Variants in FBXO25 observed in about 807,000 individuals in gnomAD.
FBXO25 encodes the protein F-box protein 25, also known as F-box only protein 25.
Under a neutral mutation model 51.9 loss-of-function variants are expected in FBXO25, and 45 were observed. That is an observed-to-expected ratio of 0.87 (90% CI 0.68 to 1.11). FBXO25 has a LOEUF of 1.11. Among genes scored for constraint, FBXO25 ranks in the 50% most tolerant of loss-of-function variants. The pLI, the probability that FBXO25 is intolerant of heterozygous loss-of-function variation, is 0.00. For missense variants in FBXO25, 507 were observed against 428.5 expected (o/e 1.18, Z -1.62); for synonymous variants, 199 against 151.0 (o/e 1.32, Z -2.33).
At chr8:421,955 A>G (rs1190304708) in intron 2 of FBXO25, among the ~76,000 whole-genome samples, 1 of 152,238 alleles carries the variant, frequency 6.6e-6, no homozygotes, top group African/African-American at 2.4e-5. Flanking sequence ...TTAGGCTGAT[A>G]TGAATACATA....
chr8:441,615 C>T (rs1443003273), intron 5 of FBXO25, among the ~76,000 whole-genome samples: 1 of 152,080 alleles, frequency 6.6e-6, no homozygotes, highest in African/African-American at 2.4e-5. Flanking sequence ...TGCAATCTAT[C>T]CATCTGACAA....
intron 7 of FBXO25, 121 bp from the exon 8 acceptor site, chr8:458,248 A>C: frequency 2.7e-6 from 3 of 1,119,274 alleles, no homozygotes; most frequent in Non-Finnish European, 3.9e-6. Context: ...GACGCATGAC[A>C]TGGAGAGCTC....
At chr8:458,283 C>CATT in intron 7 of FBXO25, 86 bp from the exon 8 acceptor site, 2 of 1,427,346 alleles carry the variant, frequency 1.4e-6, no homozygotes, top group Middle Eastern at 2.5e-4. Flanking sequence ...TGTTTTGAAG[C>CATT]ATTCATTCCA....
chr8:416,884 G>A (rs1439694079), intron 2 of FBXO25, among the ~76,000 whole-genome samples: 1 of 152,214 alleles, frequency 6.6e-6, no homozygotes, highest in South Asian at 2.1e-4. Context: ...CCGCAGTGTA[G>A]TAAGTGTGAT....
chr8:458,179 CTT>C (rs1167272361), intron 7 of FBXO25, among the ~76,000 whole-genome samples, 188 bp from the exon 8 acceptor site: 1 of 152,240 alleles, frequency 6.6e-6, no homozygotes, highest in East Asian at 1.9e-4. Context: ...GCAGCCCTCT[CTT>C]GCTCTCCTCC....
intron 5 of FBXO25, among the ~76,000 whole-genome samples, chr8:445,681 G>T (rs1002860848): frequency 1.3e-5 from 2 of 152,150 alleles, no homozygotes; most frequent in African/African-American, 4.8e-5. Context: ...GGTGAAACCT[G>T]TCTCTACTAA....
chr8:464,103 G>C (rs898846451), intron 9 of FBXO25, among the ~76,000 whole-genome samples: 1 of 152,086 alleles, frequency 6.6e-6, no homozygotes, highest in Non-Finnish European at 1.5e-5. Context: ...TGAGTAGCTG[G>C]GACCAGCTGA....
chr8:439,778 G>A (rs1174815755), intron 5 of FBXO25, among the ~76,000 whole-genome samples: 1 of 152,138 alleles, frequency 6.6e-6, no homozygotes, highest in Non-Finnish European at 1.5e-5. Flanking sequence ...TCTTAAATGT[G>A]GAAAGGTGGC....
intron 9 of FBXO25, among the ~76,000 whole-genome samples, chr8:465,485 A>G (rs556959922): frequency 1.1e-4 from 17 of 152,330 alleles, no homozygotes; most frequent in African/African-American, 3.8e-4. Context: ...TCTTAGAACA[A>G]TATTTATCAA....
chr8:443,968 C>G (rs1448822169), intron 5 of FBXO25, among the ~76,000 whole-genome samples: 2 of 152,216 alleles, frequency 1.3e-5, no homozygotes, highest in Non-Finnish European at 2.9e-5. Flanking sequence ...TCCCCCTGCT[C>G]TTCAGGTCTG....
At chr8:439,873 G>T (rs1166712195) in intron 5 of FBXO25, among the ~76,000 whole-genome samples, 2 of 152,338 alleles carry the variant, frequency 1.3e-5, no homozygotes, top group East Asian at 1.9e-4. Flanking sequence ...TTTGAGGCCA[G>T]CCTGGGCAAC....
At chr8:441,259 A>G (rs1431992579) in intron 5 of FBXO25, among the ~76,000 whole-genome samples, 1 of 152,222 alleles carries the variant, frequency 6.6e-6, no homozygotes, top group Admixed American at 6.5e-5. Context: ...AAAACAAGCA[A>G]TGGCTAAAGG....
At chr8:434,669 A>T (rs937509919) in intron 4 of FBXO25, among the ~76,000 whole-genome samples, 1 of 152,074 alleles carries the variant, frequency 6.6e-6, no homozygotes, top group Non-Finnish European at 1.5e-5. Flanking sequence ...CATGTTTTCT[A>T]TTATTTTTTT....
intron 8 of FBXO25, among the ~76,000 whole-genome samples, chr8:462,693 C>T (rs10087844): frequency 0.11 from 17,197 of 151,920 alleles, 1,069 homozygotes; most frequent in South Asian, 0.18. Flanking sequence ...GGAGGTAAGC[C>T]ACGGGTACAC....
At chr8:447,244 G>C (rs1309498861) in intron 5 of FBXO25, among the ~76,000 whole-genome samples, 1 of 152,100 alleles carries the variant, frequency 6.6e-6, no homozygotes, top group African/African-American at 2.4e-5. Context: ...GGGTCTCCCA[G>C]GGATTCACAT....
At chr8:457,795 CAG>C (rs1799547645) in intron 7 of FBXO25, among the ~76,000 whole-genome samples, 1 of 152,192 alleles carries the variant, frequency 6.6e-6, no homozygotes, top group African/African-American at 2.4e-5. Context: ...CCAATGTAGA[CAG>C]ATTGCATTTA....
At chr8:436,832 C>G (rs1183704026) in intron 5 of FBXO25, among the ~76,000 whole-genome samples, 2 of 152,150 alleles carry the variant, frequency 1.3e-5, no homozygotes, top group Non-Finnish European at 2.9e-5. Flanking sequence ...AGTAGCAATT[C>G]TTGACCATCT....
intron 2 of FBXO25, among the ~76,000 whole-genome samples, chr8:430,487 C>T (rs1201442985): frequency 6.6e-6 from 1 of 151,874 alleles, no homozygotes; most frequent in Non-Finnish European, 1.5e-5. Context: ...TGGAAAGGGG[C>T]TTGTGTACAA....
rs1800675991 is a variant in FBXO25, at chr8:477,367, ACT to A, written c.*8566_*8567del. On this transcript the variant is annotated 3_prime_UTR_variant, in exon 10 of 10. Transcript: ENST00000350302. ...TGAAAGTGGGCTACTGCAGTCTCCT[ACT>A]CTTACTGTAGAACTATCCATTTCTT... 1.3e-5 allele frequency: 2 copies of A among 152,064 alleles called. No individual in the cohort carries two copies. Among genetic ancestry groups the A allele is most frequent in the Admixed American group, 1.3e-4 (2 of 15,264 alleles). 9.4% of individuals were successfully genotyped at this position (152,064 alleles called of 1,614,324 possible). A position where few individuals can be genotyped will look rare whatever the true frequency, so the allele number is the denominator to read the frequency against.
Sources: gnomAD v4.1 joint callset for allele counts (sites outside exome capture counted in the v4.1 genomes callset) on GRCh38, gnomAD v4.1.1 for gene constraint, MANE v1.5 for transcripts, NCBI Gene and HGNC (gene_info 2026-07-23, HGNC 2026-07-21) for gene names.